Variants in THUMPD2 observed in about 807,000 individuals in gnomAD.
THUMPD2 encodes THUMP domain 2 tRNA and snRNA guanosine methyltransferase, also known as U6 snRNA (guanine-N(2))-methyltransferase THUMPD2.
In THUMPD2, 56 loss-of-function variants were observed where a neutral mutation model predicts 49.4. The ratio of observed to expected loss-of-function variants is 1.13; its 90% CI spans 0.91 to 1.41. The LOEUF is 1.41. Among genes scored for constraint, THUMPD2 ranks in the 40% most tolerant of loss-of-function variants. The pLI is 0.00. For synonymous variants in THUMPD2, 237 were observed against 205.2 expected (o/e 1.15, Z -1.32); for missense variants, 709 against 594.5 (o/e 1.19, Z -2.00).
At chr2:39,755,004 T>A (rs1226630742) in intron 8 of THUMPD2, among the ~76,000 whole-genome samples, 1 of 151,988 alleles carries the variant, frequency 6.6e-6, no homozygotes, top group Non-Finnish European at 1.5e-5. Context: ...GATCACTGGT[T>A]CTGATACGAG....
intron 9 of THUMPD2, among the ~76,000 whole-genome samples, chr2:39,742,934 T>C (rs1025364358): frequency 1.3e-5 from 2 of 152,104 alleles, no homozygotes; most frequent in South Asian, 4.1e-4. Flanking sequence ...ATGTCTGAAT[T>C]ATAGGTGCTG....
intron 1 of THUMPD2, among the ~76,000 whole-genome samples, chr2:39,778,052 G>C (rs181085185): frequency 6.6e-6 from 1 of 152,064 alleles, no homozygotes; most frequent in Admixed American, 6.5e-5. Flanking sequence ...TCCCATCTTT[G>C]CGATTTTCTA....
At chr2:39,779,003 G>T in intron 1 of THUMPD2, 111 bp downstream of exon 1, 6 of 1,294,334 alleles carry the variant, frequency 4.6e-6, no homozygotes, top group Non-Finnish European at 5.9e-6. Context: ...CGACCGTCGC[G>T]TGGAACAGAG....
intron 3 of THUMPD2, chr2:39,768,721 T>C: frequency 1.5e-6 from 1 of 671,312 alleles, no homozygotes; most frequent in Non-Finnish European, 2.4e-6. Context: ...ATGGCATTAA[T>C]GTCTACTCAT....
At chr2:39,744,336 TA>T in intron 9 of THUMPD2, 33 bp downstream of exon 9, 16 of 1,405,460 alleles carry the variant, frequency 1.1e-5, no homozygotes, top group East Asian at 2.5e-5. Context: ...GCCCAGTAGC[TA>T]AAAAAATTAT....
chr2:39,745,115 C>A (rs549133494), intron 8 of THUMPD2, among the ~76,000 whole-genome samples: 1 of 152,194 alleles, frequency 6.6e-6, no homozygotes, highest in Non-Finnish European at 1.5e-5. Context: ...ACATCCACAT[C>A]TTCTAGATGT....
intron 8 of THUMPD2, among the ~76,000 whole-genome samples, chr2:39,752,222 T>C (rs1414898527): frequency 1.3e-5 from 2 of 152,258 alleles, no homozygotes; most frequent in East Asian, 1.9e-4. Context: ...TGTGTGTTTA[T>C]GTAATAAATC....
chr2:39,748,257 T>C (rs534524265), intron 8 of THUMPD2, among the ~76,000 whole-genome samples: 94 of 152,316 alleles, frequency 6.2e-4, no homozygotes, highest in African/African-American at 2.0e-3. Flanking sequence ...CTAGGACACT[T>C]TGGCTGATTT....
intron 5 of THUMPD2, among the ~76,000 whole-genome samples, chr2:39,762,300 C>T (rs1361454050): frequency 6.6e-6 from 1 of 152,110 alleles, no homozygotes; most frequent in African/African-American, 2.4e-5. Context: ...TTTCTTCAAA[C>T]CCTCCTTAAG....
At position 39,769,762 on chromosome 2, in the gene THUMPD2, A is replaced by G; in HGVS notation, c.620T>C (p.Phe207Ser). 1 of 1,594,110 alleles carries G rather than the reference A, an allele frequency of 6.3e-7. No homozygotes were observed. The highest frequency in any genetic ancestry group is 8.5e-7 in the Non-Finnish European group (1 of 1,173,936). ...IDTHNQNDLT[F>S]RVSCRCSGTI... is the part of the protein sequence containing the mutation. Reference sequence around the variant, plus strand: ...TCCACTGCAGCGACAAGATACTCTGAAAGTCAAGTCATTCTGATTATGAGT... The same window carrying G: ...TCCACTGCAGCGACAAGATACTCTGGAAGTCAAGTCATTCTGATTATGAGT... The change falls in exon 3 of 10, where the codon TTC becomes TCC. Residue 207 changes from phenylalanine (F) to serine (S), a missense_variant. By Grantham distance (155) the Phe-to-Ser change is radical. Transcript: ENST00000505747.
intron 6 of THUMPD2, among the ~76,000 whole-genome samples, chr2:39,756,427 C>G (rs796969400): frequency 1.3e-5 from 2 of 150,512 alleles, no homozygotes; most frequent in Admixed American, 1.3e-4. Context: ...GAGCAGAGAT[C>G]GCGCCCCTGC....
At chr2:39,766,846 C>T (rs1677589055) in intron 4 of THUMPD2, among the ~76,000 whole-genome samples, 2 of 152,144 alleles carry the variant, frequency 1.3e-5, no homozygotes, top group African/African-American at 4.8e-5. Context: ...AAAAGACTTA[C>T]CTGGAGTGAT....
At chr2:39,740,178 T>A (rs1285749176) in intron 9 of THUMPD2, among the ~76,000 whole-genome samples, 1 of 152,178 alleles carries the variant, frequency 6.6e-6, no homozygotes, top group African/African-American at 2.4e-5. Flanking sequence ...GGTCATATAG[T>A]TAAGTTTGAA....
intron 8 of THUMPD2, among the ~76,000 whole-genome samples, chr2:39,745,726 G>A (rs780665818): frequency 1.4e-4 from 22 of 152,122 alleles, no homozygotes; most frequent in Non-Finnish European, 2.8e-4. Context: ...TTTTTATTGG[G>A]AACTTTGCTG....
At chr2:39,737,810 A>AG (rs1379416495) in intron 9 of THUMPD2, among the ~76,000 whole-genome samples, 2 of 152,002 alleles carry the variant, frequency 1.3e-5, no homozygotes, top group African/African-American at 4.8e-5. Context: ...GGCTGCAGCA[A>AG]GGGAGGGTGC....
intron 6 of THUMPD2, chr2:39,757,183 G>A (rs1676253899): frequency 2.7e-6 from 1 of 364,258 alleles, no homozygotes; most frequent in Non-Finnish European, 5.5e-6. Context: ...GGCACTATGA[G>A]GTTCTGGGCA....
At chr2:39,739,368 C>T (rs1158653017) in intron 9 of THUMPD2, among the ~76,000 whole-genome samples, 1 of 152,148 alleles carries the variant, frequency 6.6e-6, no homozygotes, top group African/African-American at 2.4e-5. Flanking sequence ...GTTCACCCTG[C>T]GTTTATCACT....
At position 39,766,060 on chromosome 2, in the gene THUMPD2, A is replaced by C. The variant is rs148618800; in HGVS notation, c.800T>G (p.Phe267Cys). The C allele has an allele frequency of 3.2e-6, 5 of 1,582,304 alleles. No homozygotes were observed. The African/African-American group carries it at 6.9e-5, about 22-fold the overall frequency. Residue 267 changes from phenylalanine to cysteine, a missense_variant, in exon 5 of 10, where the codon TTC (phenylalanine) becomes TGC (cysteine). Phe to Cys is a radical substitution (Grantham distance 205). Coordinates refer to ENST00000505747, the MANE Select transcript of THUMPD2 (RefSeq NM_025264.5). ...ACCGGAAGCTTAGAATATCTACCTG[A>C]ACACAGGAATCCCCACCACAGAGTA... ...DIYSVVGIPV[F>C]RVSLASRAYI... is the part of the protein sequence containing the mutation.
At chr2:39,775,760 C>CA (rs774580208) in intron 1 of THUMPD2, among the ~76,000 whole-genome samples, 2,376 of 63,282 alleles carry the variant, frequency 0.038, 280 homozygotes, top group African/African-American at 0.11. Flanking sequence ...AACACTATGT[C>CA]AAAAAAAAAA....
Sources: allele counts gnomAD v4.1 joint callset (sites outside exome capture counted in the v4.1 genomes callset), GRCh38; gene constraint gnomAD v4.1.1; transcripts MANE v1.5; gene names NCBI Gene and HGNC (gene_info 2026-07-23, HGNC 2026-07-21).